The following NDUFAF2 variants were observed in gnomAD, a reference collection of about 807,000 sequenced individuals.
NDUFAF2 encodes NADH dehydrogenase [ubiquinone] 1 alpha subcomplex assembly factor 2.
Under a neutral mutation model 22.8 loss-of-function variants are expected in NDUFAF2, and 13 were observed. The observed-to-expected ratio is 0.57, with a 90% CI of 0.37 to 0.91. NDUFAF2 has a LOEUF of 0.91. Ranked by LOEUF, NDUFAF2 falls within the 40% of genes least tolerant of loss-of-function variation. NDUFAF2 has a pLI of 0.01. For synonymous variants in NDUFAF2, 53 were observed against 64.2 expected (o/e 0.83, Z 0.84); for missense variants, 162 against 195.2 (o/e 0.83, Z 1.01).
At chr5:61,020,726 T>C (rs1249737014) in intron 1 of NDUFAF2, among the ~76,000 whole-genome samples, 1 of 152,116 alleles carries the variant, frequency 6.6e-6, no homozygotes, top group Admixed American at 6.5e-5. Flanking sequence ...GTCTCAACTC[T>C]GTCGCCCAAG....
intron 3 of NDUFAF2, among the ~76,000 whole-genome samples, chr5:61,141,889 A>C (rs1405167084): frequency 1.3e-5 from 2 of 152,104 alleles, no homozygotes; most frequent in Non-Finnish European, 2.9e-5. Context: ...AGGCCAGAAG[A>C]ATTCTTTTCC....
chr5:61,111,861 G>A (rs1456383975), intron 3 of NDUFAF2, among the ~76,000 whole-genome samples: 2 of 151,888 alleles, frequency 1.3e-5, no homozygotes, highest in Non-Finnish European at 1.5e-5. Context: ...CTCATGATCC[G>A]CCCGCCTCGG....
intron 1 of NDUFAF2, among the ~76,000 whole-genome samples, chr5:61,049,912 C>CAT (rs1322690716): frequency 6.6e-6 from 1 of 151,368 alleles, no homozygotes; most frequent in Non-Finnish European, 1.5e-5. Flanking sequence ...CACACACACA[C>CAT]ACACAGTCTG....
At chr5:61,070,828 A>G (rs1287098387) in intron 1 of NDUFAF2, among the ~76,000 whole-genome samples, 1 of 152,108 alleles carries the variant, frequency 6.6e-6, no homozygotes, top group African/African-American at 2.4e-5. Flanking sequence ...AACTTTATGG[A>G]TGTACATTTA....
chr5:60,963,203 GA>G, intron 1 of NDUFAF2, among the ~76,000 whole-genome samples: 1 of 152,242 alleles, frequency 6.6e-6, no homozygotes, highest in Non-Finnish European at 1.5e-5. Context: ...TTTTAAAGAT[GA>G]GGTAGAGATT....
rs182913590 is a variant in NDUFAF2, at chr5:61,129,145, C to T, written c.259-23559C>T. On this transcript the variant is annotated intron_variant, in intron 3 of 3. Transcript: ENST00000296597. The stretch of plus-strand genomic sequence containing the variant: ...CGATCATTAAAAAGTCAGGAAACAA[C>T]AGGCGCTGGAGAGGATGTGGAGAAA... Among the ~76,000 whole-genome samples the T allele has an allele frequency of 5.4e-3, 820 of 152,246 alleles. 10 individuals carry two copies. The highest frequency in any genetic ancestry group is 0.019 in the African/African-American group (791 of 41,548).
chr5:61,004,738 G>A (rs1261602354), intron 1 of NDUFAF2, among the ~76,000 whole-genome samples: 1 of 151,904 alleles, frequency 6.6e-6, no homozygotes, highest in Non-Finnish European at 1.5e-5. Context: ...GGAAGGAGCT[G>A]TTTCAGATCC....
chr5:61,051,324 A>G (rs895112985), intron 1 of NDUFAF2, among the ~76,000 whole-genome samples: 4 of 152,022 alleles, frequency 2.6e-5, no homozygotes, highest in African/African-American at 9.7e-5. Context: ...TCTTTCTTGT[A>G]CTTATCGCTC....
At chr5:60,972,250 T>G (rs1750842949) in intron 1 of NDUFAF2, among the ~76,000 whole-genome samples, 1 of 151,912 alleles carries the variant, frequency 6.6e-6, no homozygotes, top group Admixed American at 6.6e-5. Flanking sequence ...CCATTTTTTT[T>G]TTTTTTTAAT....
chr5:60,995,219 G>A (rs950539117), intron 1 of NDUFAF2, among the ~76,000 whole-genome samples: 19 of 152,136 alleles, frequency 1.2e-4, no homozygotes, highest in Non-Finnish European at 2.5e-4. Context: ...GTGAGATCAT[G>A]TTTTCCTGGA....
At chr5:61,117,235 G>A (rs1752922795) in intron 3 of NDUFAF2, among the ~76,000 whole-genome samples, 3 of 152,152 alleles carry the variant, frequency 2.0e-5, no homozygotes. Flanking sequence ...AGGCTCCTTG[G>A]TTTGGCCTAT....
chr5:61,123,445 A>G (rs749677923), intron 3 of NDUFAF2, among the ~76,000 whole-genome samples: 1 of 152,170 alleles, frequency 6.6e-6, no homozygotes, highest in African/African-American at 2.4e-5. Flanking sequence ...TATGTAGGCA[A>G]CTGTAACACA....
At chr5:61,040,386 C>G (rs1751865739) in intron 1 of NDUFAF2, among the ~76,000 whole-genome samples, 1 of 151,880 alleles carries the variant, frequency 6.6e-6, no homozygotes, top group Non-Finnish European at 1.5e-5. Context: ...AAAGATTCTT[C>G]CCTAGAGCCT....
At chr5:61,019,133 C>T (rs1261776257) in intron 1 of NDUFAF2, among the ~76,000 whole-genome samples, 2 of 152,006 alleles carry the variant, frequency 1.3e-5, no homozygotes, top group African/African-American at 2.4e-5. Flanking sequence ...CGTTACCTTT[C>T]ATTTATAGGG....
chr5:61,089,048 A>G (rs1752537544), intron 2 of NDUFAF2, among the ~76,000 whole-genome samples: 1 of 152,060 alleles, frequency 6.6e-6, no homozygotes, highest in Admixed American at 6.6e-5. Context: ...ACCTGTGGAG[A>G]TTTGAAGAGT....
At chr5:61,023,910 C>T (rs1418833392) in intron 1 of NDUFAF2, among the ~76,000 whole-genome samples, 1 of 152,160 alleles carries the variant, frequency 6.6e-6, no homozygotes, top group African/African-American at 2.4e-5. Context: ...AGGTGTATGT[C>T]CAAGCACTTA....
At position 61,152,994 on chromosome 5, in the gene NDUFAF2, A is replaced by G. The variant is rs1264540797; in HGVS notation, c.*39A>G. ...AAATCTTTTCATGTATATGGATGTG[A>G]CTATTTTAACAAATAAAAGAAGTGA... On this transcript the variant is annotated 3_prime_UTR_variant, in exon 4 of 4. Transcript: ENST00000296597. The G allele has an allele frequency of 6.2e-7, 1 of 1,605,218 alleles. No individual in the cohort carries two copies. Among genetic ancestry groups the G allele is most frequent in the East Asian group, 2.2e-5 (1 of 44,736 alleles).
chr5:60,989,234 C>T (rs1173334790), intron 1 of NDUFAF2, among the ~76,000 whole-genome samples: 1 of 151,996 alleles, frequency 6.6e-6, no homozygotes, highest in Non-Finnish European at 1.5e-5. Context: ...GTCAGAATGG[C>T]TATTATTTTA....
chr5:61,085,923 T>C (rs1752501017), intron 2 of NDUFAF2, among the ~76,000 whole-genome samples: 1 of 152,116 alleles, frequency 6.6e-6, no homozygotes, highest in Admixed American at 6.6e-5. Flanking sequence ...CAGTCCAACC[T>C]GGGCAACATA....
Sources: gnomAD v4.1 joint callset for allele counts (sites outside exome capture counted in the v4.1 genomes callset) on GRCh38, gnomAD v4.1.1 for gene constraint, MANE v1.5 for transcripts, NCBI Gene and HGNC (gene_info 2026-07-23, HGNC 2026-07-21) for gene names.